Variants in HSD17B2 observed in about 807,000 individuals in gnomAD.
The protein encoded by HSD17B2 is 17-beta-hydroxysteroid dehydrogenase type 2.
In HSD17B2, 32 loss-of-function variants were observed where a neutral mutation model predicts 26.9. The ratio of observed to expected loss-of-function variants is 1.19; its 90% confidence interval spans 0.90 to 1.60. The LOEUF is 1.60. Among genes scored for constraint, HSD17B2 ranks in the 40% most tolerant of loss-of-function variants. The pLI, the probability that HSD17B2 is intolerant of heterozygous loss-of-function variation, is 0.00. For synonymous variants in HSD17B2, 246 were observed against 186.7 expected (o/e 1.32, Z -2.59); for missense variants, 613 against 468.6 (o/e 1.31, Z -2.85).
chr16:82,055,383 T>G (rs1314160805), intron 1 of HSD17B2, among the ~76,000 whole-genome samples: 2 of 152,158 alleles, frequency 1.3e-5, no homozygotes, highest in East Asian at 3.8e-4. Flanking sequence ...ATTGAATGTC[T>G]CCCATGACCT....
At position 82,068,332 on chromosome 16, in the gene HSD17B2, T is replaced by C. The variant is rs2143978747; in HGVS notation, c.428T>C (p.Val143Ala). The C allele has an allele frequency of 6.2e-7, 1 of 1,613,956 alleles. No homozygotes were observed. Among genetic ancestry groups the C allele is most frequent in the East Asian group, 2.2e-5 (1 of 44,868 alleles). The change falls in exon 2 of 5, where the codon GTG becomes GCG. Residue 143 changes from valine (V) to alanine (A), a missense_variant. Transcript: ENST00000199936. ...SVLQMDITKP[V>A]QIKDAYSKVA... ...CTCCAAATGGACATCACGAAGCCAGTGCAGATAAAAGATGCTTACAGCAAG... is the reference window on the plus strand; with the variant it reads ...CTCCAAATGGACATCACGAAGCCAGCGCAGATAAAAGATGCTTACAGCAAG...
intron 3 of HSD17B2, among the ~76,000 whole-genome samples, chr16:82,089,683 C>T (rs544515990): frequency 5.1e-4 from 78 of 152,290 alleles, no homozygotes; most frequent in African/African-American, 1.8e-3. Flanking sequence ...AAGAATCTGT[C>T]CTTGCCCCTT....
At position 82,035,477 on chromosome 16, in the gene HSD17B2, T is replaced by C; in HGVS notation, c.53T>C (p.Val18Ala). Residue 18 changes from valine (V) to alanine (A), a missense_variant, in exon 1 of 5, where the codon GTA becomes GCA. Coordinates refer to ENST00000199936, the MANE Select transcript of HSD17B2 (RefSeq NM_002153.3). ...TGGATCTGCCTGGCTGTCCCCACAG[T>C]ACTATGTGGGACAGTATTTTGCAAA... is the stretch of plus-strand genomic sequence containing the variant. ...TAWICLAVPT[V>A]LCGTVFCKYK... 3 of 1,613,380 alleles carry C rather than the reference T, an allele frequency of 1.9e-6. No individual in the cohort carries two copies. Among genetic ancestry groups the C allele is most frequent in the Non-Finnish European group, 2.5e-6 (3 of 1,179,444 alleles).
intron 4 of HSD17B2, 58 bp from the exon 5 acceptor site, chr16:82,098,017 G>A: frequency 6.5e-7 from 1 of 1,541,836 alleles, no homozygotes; most frequent in Non-Finnish European, 8.7e-7. Flanking sequence ...ACAAGCGCCT[G>A]CTCCCTGACT....
intron 1 of HSD17B2, among the ~76,000 whole-genome samples, chr16:82,061,278 T>G: frequency 6.6e-6 from 1 of 152,010 alleles, no homozygotes; most frequent in Admixed American, 6.6e-5. Flanking sequence ...AAAGTTACCA[T>G]TTATTTAATA....
intron 1 of HSD17B2, among the ~76,000 whole-genome samples, chr16:82,045,135 A>C (rs928403468): frequency 9.2e-5 from 14 of 151,470 alleles, no homozygotes; most frequent in Non-Finnish European, 2.1e-4. Context: ...AAAAAAAAAA[A>C]AAAAAAAAGA....
At chr16:82,094,923 G>C (rs972439414) in intron 4 of HSD17B2, 2 of 152,216 alleles carry the variant, frequency 1.3e-5, no homozygotes, top group Non-Finnish European at 2.9e-5. Context: ...CAAAGCCATA[G>C]AGCTGATAGG....
At chr16:82,056,107 C>T (rs879711843) in intron 1 of HSD17B2, among the ~76,000 whole-genome samples, 5 of 152,078 alleles carry the variant, frequency 3.3e-5, no homozygotes, top group Admixed American at 1.3e-4. Context: ...ATTTTGGAAG[C>T]GGCTGAGTGA....
intron 3 of HSD17B2, chr16:82,071,579 G>C (rs140009491): frequency 6.7e-6 from 2 of 296,846 alleles, no homozygotes; most frequent in Non-Finnish European, 1.3e-5. Flanking sequence ...TTGTTAACCC[G>C]AAGATTGTCC....
chr16:82,039,092 C>A (rs1305917522), intron 1 of HSD17B2, among the ~76,000 whole-genome samples: 5 of 152,050 alleles, frequency 3.3e-5, no homozygotes, highest in African/African-American at 4.8e-5. Flanking sequence ...AGTCAAAGTG[C>A]ACCATGGATT....
At chr16:82,060,417 T>C (rs1421479340) in intron 1 of HSD17B2, among the ~76,000 whole-genome samples, 1 of 152,186 alleles carries the variant, frequency 6.6e-6, no homozygotes, top group Non-Finnish European at 1.5e-5. Context: ...TTTCTTCAAG[T>C]GCATACCCCA....
At chr16:82,097,361 A>ATGTG (rs1567595584) in intron 4 of HSD17B2, 1 of 120,994 alleles carries the variant, frequency 8.3e-6, no homozygotes, top group Admixed American at 8.1e-5. Flanking sequence ...ACACACACAC[A>ATGTG]CACACACACA....
At chr16:82,056,170 T>C (rs1474327701) in intron 1 of HSD17B2, among the ~76,000 whole-genome samples, 1 of 152,138 alleles carries the variant, frequency 6.6e-6, no homozygotes, top group African/African-American at 2.4e-5. Context: ...GGAAGCATCT[T>C]TCCCATGAAA....
In HSD17B2 at chr16:82,098,248, C is replaced by T. The variant is rs1428269840; in HGVS notation, c.976C>T (p.Gln326Ter). The change falls in exon 5 of 5, where the codon CAG becomes TAG. Residue 326 changes from glutamine to a stop codon, truncating the protein, a stop_gained. Coordinates refer to ENST00000199936, the MANE Select transcript of HSD17B2 (RefSeq NM_002153.3). LOFTEE classifies it low-confidence loss of function (END_TRUNC). ...KDFSPVLRDI[Q>*]HAILAKSPFA... is the part of the protein sequence containing the mutation. ...CTTCTCTCCGGTGCTGCGGGACATC[C>T]AGCATGCTATCTTGGCGAAGAGCCC... 23 of 1,614,106 alleles carry T rather than the reference C, an allele frequency of 1.4e-5. No individual in the cohort carries two copies. Among genetic ancestry groups the T allele is most frequent in the Admixed American group, 3.3e-5 (2 of 60,010 alleles).
rs1476216446 is a variant in HSD17B2, at chr16:82,098,355, C to T, written c.1083C>T (p.Tyr361=). The T allele has an allele frequency of 6.2e-7, 1 of 1,614,058 alleles. No homozygotes were observed. The highest frequency in any genetic ancestry group is 8.5e-7 in the Non-Finnish European group (1 of 1,180,020). The change falls in exon 5 of 5, where the codon TAC becomes TAT. Residue 361 remains tyrosine (Y), a synonymous_variant. Transcript: ENST00000199936. ...AHYLPIGIYD[Y]FAKRHFGQDK... ...ATTTGCCTATTGGCATATATGATTACTTTGCTAAAAGACATTTTGGCCAAG... is the reference window on the plus strand; with the variant it reads ...ATTTGCCTATTGGCATATATGATTATTTTGCTAAAAGACATTTTGGCCAAG...
intron 1 of HSD17B2, chr16:82,044,467 G>C (rs1004503932): frequency 6.6e-6 from 1 of 152,332 alleles, no homozygotes; most frequent in African/African-American, 2.4e-5. Flanking sequence ...GGGCTGGGCA[G>C]CTGGGCTTAG....
chr16:82,058,824 TG>T (rs1181951408), intron 1 of HSD17B2, among the ~76,000 whole-genome samples: 1 of 152,180 alleles, frequency 6.6e-6, no homozygotes, highest in East Asian at 1.9e-4. Flanking sequence ...TTAGGCACTG[TG>T]GACAGATGGC....
At chr16:82,036,659 A>T (rs1260497051) in intron 1 of HSD17B2, among the ~76,000 whole-genome samples, 1 of 152,168 alleles carries the variant, frequency 6.6e-6, no homozygotes, top group Non-Finnish European at 1.5e-5. Flanking sequence ...TTAAAGTAAA[A>T]TGCTTTCTTG....
At chr16:82,067,983 G>C (rs1347074291) in intron 1 of HSD17B2, among the ~76,000 whole-genome samples, 187 bp from the exon 2 acceptor site, 2 of 152,158 alleles carry the variant, frequency 1.3e-5, no homozygotes, top group African/African-American at 4.8e-5. Flanking sequence ...TTTATATGGG[G>C]AAATGTATCT....
Sources: gnomAD v4.1 joint callset for allele counts (sites outside exome capture counted in the v4.1 genomes callset) on GRCh38, gnomAD v4.1.1 for gene constraint, MANE v1.5 for transcripts, NCBI Gene and HGNC (gene_info 2026-07-23, HGNC 2026-07-21) for gene names.